VOPP1: variants seen among roughly 807,000 people sequenced by gnomAD.
VOPP1 encodes WW domain binding protein VOPP1.
A neutral mutation model predicts 23.5 loss-of-function variants in VOPP1; 8 were observed. The ratio of observed to expected loss-of-function variants is 0.34; its 90% CI spans 0.20 to 0.61. VOPP1 has a LOEUF of 0.61. Ranked by LOEUF, VOPP1 falls within the 20% of genes least tolerant of loss-of-function variation. VOPP1 has a pLI of 0.78. For missense variants in VOPP1, 174 were observed against 238.1 expected (o/e 0.73, Z 1.77); for synonymous variants, 83 against 97.3 (o/e 0.85, Z 0.86).
intron 1 of VOPP1, among the ~76,000 whole-genome samples, chr7:55,543,284 A>G (rs1295697422): frequency 6.6e-6 from 1 of 152,174 alleles, no homozygotes; most frequent in Non-Finnish European, 1.5e-5. Context: ...TTCCTTATCC[A>G]TGTGTCCACT....
intron 2 of VOPP1, among the ~76,000 whole-genome samples, chr7:55,509,529 A>C (rs1794939573): frequency 6.6e-6 from 1 of 152,148 alleles, no homozygotes; most frequent in Admixed American, 6.5e-5. Flanking sequence ...TCTTAATACT[A>C]ATACATTGGG....
intron 1 of VOPP1, among the ~76,000 whole-genome samples, chr7:55,534,057 G>T (rs1796641371): frequency 6.6e-6 from 1 of 151,114 alleles, no homozygotes; most frequent in Non-Finnish European, 1.5e-5. Flanking sequence ...TCCCAGCCCT[G>T]TCAGCTATAA....
intron 2 of VOPP1, among the ~76,000 whole-genome samples, chr7:55,514,765 T>C (rs765355603): frequency 7.2e-5 from 11 of 152,168 alleles, no homozygotes; most frequent in Admixed American, 1.3e-4. Flanking sequence ...AGGCAAGCAC[T>C]CCACAAATGT....
At chr7:55,473,184 AG>A in intron 4 of VOPP1, 139 bp from the exon 5 acceptor site, 2 of 1,333,122 alleles carry the variant, frequency 1.5e-6, no homozygotes, top group Non-Finnish European at 2.0e-6. Flanking sequence ...ATGCCCGGTG[AG>A]GGGGCACCTG....
chr7:55,470,611 C>T (rs1791755114), downstream of VOPP1: 1 of 152,216 alleles, frequency 6.6e-6, no homozygotes, highest in African/African-American at 2.4e-5. Context: ...AATCAAAGCA[C>T]ATGCCCAAAT....
intron 1 of VOPP1, among the ~76,000 whole-genome samples, chr7:55,560,026 G>C (rs1377506622): frequency 6.6e-6 from 1 of 152,286 alleles, no homozygotes; most frequent in African/African-American, 2.4e-5. Context: ...GGTGGCGCAC[G>C]CCTGTAGTCC....
intron 2 of VOPP1, among the ~76,000 whole-genome samples, chr7:55,506,283 AC>A (rs1033180136): frequency 1.3e-5 from 2 of 152,184 alleles, no homozygotes; most frequent in African/African-American, 4.8e-5. Context: ...AGATGACATC[AC>A]TGCCTCACAC....
chr7:55,537,103 G>T (rs528890582), intron 1 of VOPP1, among the ~76,000 whole-genome samples: 2 of 152,226 alleles, frequency 1.3e-5, no homozygotes, highest in South Asian at 2.1e-4. Context: ...AAGATCTCTC[G>T]GCCTGACCTG....
chr7:55,527,996 A>G (rs1032676879), intron 1 of VOPP1, among the ~76,000 whole-genome samples: 4 of 152,168 alleles, frequency 2.6e-5, no homozygotes, highest in African/African-American at 9.7e-5. Context: ...CAAGAAGACA[A>G]TTTTTCAATA....
At chr7:55,473,833 T>C (rs915719503) in intron 4 of VOPP1, among the ~76,000 whole-genome samples, 1 of 152,254 alleles carries the variant, frequency 6.6e-6, no homozygotes, top group Admixed American at 6.5e-5. Flanking sequence ...TCAGGTGTTT[T>C]TGAAGTGAGG....
intron 4 of VOPP1, among the ~76,000 whole-genome samples, chr7:55,487,806 C>T (rs914914181): frequency 1.3e-5 from 2 of 152,230 alleles, no homozygotes; most frequent in Non-Finnish European, 2.9e-5. Context: ...CCTTAACCAC[C>T]CCCTTGCCAC....
intron 2 of VOPP1, among the ~76,000 whole-genome samples, chr7:55,512,244 GGTGAA>G (rs1795117695): frequency 6.6e-6 from 1 of 152,080 alleles, no homozygotes; most frequent in Non-Finnish European, 1.5e-5. Context: ...TGGCCAACAT[GGTGAA>G]GCCCCATCTC....
intron 4 of VOPP1, among the ~76,000 whole-genome samples, chr7:55,440,012 A>G (rs1203295695): frequency 6.6e-6 from 1 of 152,114 alleles, no homozygotes; most frequent in African/African-American, 2.4e-5. Context: ...GGGATCCCAC[A>G]CTTCCAGATG....
chr7:55,551,252 A>G (rs956377008), intron 1 of VOPP1, among the ~76,000 whole-genome samples: 4 of 152,218 alleles, frequency 2.6e-5, no homozygotes, highest in Non-Finnish European at 5.9e-5. Flanking sequence ...CCTATTTGCC[A>G]TGCTTGCTGC....
intron 1 of VOPP1, chr7:55,526,998 A>G (rs1183461791): frequency 6.6e-6 from 1 of 152,200 alleles, no homozygotes; most frequent in Non-Finnish European, 1.5e-5. Flanking sequence ...TGGGCTCGTT[A>G]CACTCCGCAC....
At chr7:55,525,445 C>T (rs1350384629) in intron 1 of VOPP1, among the ~76,000 whole-genome samples, 4 of 150,644 alleles carry the variant, frequency 2.7e-5, no homozygotes, top group African/African-American at 9.8e-5. Flanking sequence ...GCCGAGATTG[C>T]GCCACTGAAC....
At chr7:55,455,174 G>C (rs1387747703) in intron 4 of VOPP1, among the ~76,000 whole-genome samples, 2 of 152,276 alleles carry the variant, frequency 1.3e-5, no homozygotes, top group Admixed American at 6.5e-5. Context: ...CAGACAAACA[G>C]AGAGCCATAT....
At chr7:55,473,074 C>T (rs1791958169) in intron 4 of VOPP1, 29 bp from the exon 5 acceptor site, 3 of 1,577,982 alleles carry the variant, frequency 1.9e-6, no homozygotes, top group Non-Finnish European at 2.6e-6. Context: ...TAGGTGAGCA[C>T]AGAAGGGAAA....
Position 55,474,854 on chromosome 7 carries a change from T to C in VOPP1, c.329-1809A>G, listed in dbSNP as rs577430345. ...GTCTAAGGCTGATGAGAAGGATGCA[T>C]AGGCAATGGGAAGATGCGGCAGGAG... On this transcript the variant is annotated intron_variant, in intron 4 of 4. Transcript: ENST00000285279. Among the ~76,000 whole-genome samples the C allele has an allele frequency of 2.7e-3, 410 of 152,202 alleles. 1 individual carries two copies. The highest frequency in any genetic ancestry group is 4.9e-3 in the Non-Finnish European group (332 of 67,990).
Sources: gnomAD v4.1 joint callset for allele counts (sites outside exome capture counted in the v4.1 genomes callset) on GRCh38, gnomAD v4.1.1 for gene constraint, MANE v1.5 for transcripts, NCBI Gene and HGNC (gene_info 2026-07-23, HGNC 2026-07-21) for gene names.